The following SPATA6L variants were observed in gnomAD, a reference collection of about 807,000 sequenced individuals.
SPATA6L encodes the protein spermatogenesis associated 6 like, also known as spermatogenesis associated 6-like protein.
In SPATA6L, 68 loss-of-function variants were observed where a neutral mutation model predicts 49.2. The observed-to-expected ratio is 1.38, with a 90% CI of 1.14 to 1.69. The LOEUF (loss-of-function observed/expected upper bound fraction) is 1.69. SPATA6L is among the 40% of genes most tolerant of loss of function. The pLI, the probability that SPATA6L is intolerant of heterozygous loss-of-function variation, is 0.00. For missense variants in SPATA6L, 668 were observed against 464.3 expected, an observed-to-expected ratio of 1.44 and a Z score of -4.03; for synonymous variants, 198 against 165.7, an observed-to-expected ratio of 1.19 and a Z score of -1.50.
chr9:4,611,786 C>G (rs894561789), intron 9 of SPATA6L, among the ~76,000 whole-genome samples: 42 of 151,310 alleles, frequency 2.8e-4, no homozygotes, highest in Middle Eastern at 3.4e-3. Context: ...TACCCTAAAA[C>G]TTAAAGTATA....
rs1210373223 is a variant in SPATA6L at position 4,662,448 on chromosome 9, G to A, written c.40-412C>T. The A allele has an allele frequency of 5.2e-6, 8 of 1,545,594 alleles. No individual in the cohort carries two copies. In the East Asian group the frequency reaches 1.2e-4, roughly 23 times the overall value. ...CGCTTCGAGCAGCAGCAGCAGCCCC[G>A]GCAGCCCAGCCCATGGCGGCGGTGG... On this transcript the variant is annotated intron_variant, in intron 1 of 11. Transcript: ENST00000682582. This position sits in a 1 kb window ranked among gnomAD's most constrained non-coding sequence, Gnocchi z 4.9.
At position 4,662,481 on chromosome 9, in the gene SPATA6L, A is replaced by G; in HGVS notation, c.40-445T>C. 2 of 1,553,204 alleles carry G rather than the reference A, an allele frequency of 1.3e-6. No individual in the cohort carries two copies. The highest frequency in any genetic ancestry group is 1.7e-6 in the Non-Finnish European group (2 of 1,159,138). On this transcript the variant is annotated intron_variant, in intron 1 of 11. Transcript: ENST00000682582. This position sits in a 1 kb window ranked among gnomAD's most constrained non-coding sequence, Gnocchi z 4.9. Reference sequence around the variant, plus strand: ...AGCCCATGGCGGCGGTGGCGGCGGCAGCAGGTTTGAGTTCCAGTCCCTGCT... The same window carrying G: ...AGCCCATGGCGGCGGTGGCGGCGGCGGCAGGTTTGAGTTCCAGTCCCTGCT...
chr9:4,603,470 C>T (rs1192920663), intron 11 of SPATA6L, among the ~76,000 whole-genome samples: 1 of 152,082 alleles, frequency 6.6e-6, no homozygotes, highest in Non-Finnish European at 1.5e-5. Context: ...TGAGCAGCAA[C>T]CATTGTGGAG....
Position 4,657,476 on chromosome 9 carries a change from T to C in SPATA6L, c.178-1387A>G, listed in dbSNP as rs188173522. On this transcript the variant is annotated intron_variant, in intron 2 of 11. Transcript: ENST00000682582. ...AGAATAAGATCATACTGGGATAGGG[T>C]AGGCCTCTGATAAGACTGGTGTCCT... is the stretch of plus-strand genomic sequence containing the variant. 3.8e-3 allele frequency among the ~76,000 whole-genome samples: 581 copies of C among 152,028 alleles called. 4 individuals are homozygous for C. Among genetic ancestry groups the C allele is most frequent in the Non-Finnish European group, 6.1e-3 (414 of 67,976 alleles).
rs1170309058 is a variant in SPATA6L at position 4,666,285 on chromosome 9, A to G, written c.-35T>C. 4.3e-6 allele frequency: 7 copies of G among 1,613,292 alleles called. No individual in the cohort carries two copies. Among genetic ancestry groups the G allele is most frequent in the Non-Finnish European group, 5.9e-6 (7 of 1,179,418 alleles). ...CGTGGGCGAAAGGACTGGAATGAGA[A>G]GATCCTTTTGTGCCGAGCCTTGGAC... On this transcript the variant is annotated 5_prime_UTR_variant, in exon 1 of 12. Transcript: ENST00000682582.
At chr9:4,646,241 T>A (rs1288958350) in intron 3 of SPATA6L, 2 of 309,390 alleles carry the variant, frequency 6.5e-6, no homozygotes, top group Non-Finnish European at 1.2e-5. Context: ...TATTAAAAAA[T>A]GGAAAGACAA....
chr9:4,605,071 T>G (rs1259226305), intron 10 of SPATA6L, among the ~76,000 whole-genome samples: 1 of 152,138 alleles, frequency 6.6e-6, no homozygotes, highest in Non-Finnish European at 1.5e-5. Context: ...AAAGGACCTC[T>G]GCTTGATGAG....
rs555365674 is a variant in SPATA6L, at chr9:4,617,972, G to C, written c.946C>G (p.Gln316Glu). ...FHGKASFATY[Q>E]HSTSPGPLDQ... ...AAGGGGCCAGGAGAGGTGGAATGCT[G>C]GTAGGTGGCAAATGAAGCTTTCCCG... is the stretch of plus-strand genomic sequence containing the variant. Residue 316 changes from glutamine to glutamate, a missense_variant, in exon 9 of 12, where the codon CAG (glutamine) becomes GAG (glutamate). Coordinates refer to ENST00000682582, the MANE Select transcript of SPATA6L (RefSeq NM_001353486.2). 6.2e-7 allele frequency: 1 copy of C among 1,613,924 alleles called. No individual in the cohort carries two copies. Among genetic ancestry groups the C allele is most frequent in the Non-Finnish European group, 8.5e-7 (1 of 1,179,946 alleles).
chr9:4,601,624 T>C (rs1211118451), intron 11 of SPATA6L, among the ~76,000 whole-genome samples: 1 of 152,148 alleles, frequency 6.6e-6, no homozygotes, highest in Non-Finnish European at 1.5e-5. Context: ...TTCATCTCCC[T>C]GAGATCTCGA....
downstream of SPATA6L, among the ~76,000 whole-genome samples, chr9:4,597,760 C>A (rs955702456): frequency 1.3e-5 from 2 of 152,140 alleles, no homozygotes; most frequent in African/African-American, 4.8e-5. Context: ...TGCAGGTCCG[C>A]TAAGTAGTGC....
At chr9:4,665,209 C>G (rs965981640) in intron 1 of SPATA6L, 2 of 166,864 alleles carry the variant, frequency 1.2e-5, no homozygotes, top group Non-Finnish European at 2.9e-5. Flanking sequence ...TAATTGTACA[C>G]TGAATAATGC....
At chr9:4,597,612 T>A (rs2129973603), downstream of SPATA6L, among the ~76,000 whole-genome samples, 1 of 152,280 alleles carries the variant, frequency 6.6e-6, no homozygotes, top group Non-Finnish European at 1.5e-5. Context: ...CAAAGTAACT[T>A]CATTGCCATA....
chr9:4,655,360 T>C (rs1837885505), intron 3 of SPATA6L, among the ~76,000 whole-genome samples: 1 of 152,200 alleles, frequency 6.6e-6, no homozygotes. Flanking sequence ...ACGGAAAGAT[T>C]AGTGGTTACC....
intron 3 of SPATA6L, 133 bp from the exon 4 acceptor site, chr9:4,635,532 T>G: frequency 1.3e-6 from 1 of 799,854 alleles, no homozygotes; most frequent in South Asian, 2.7e-5. Context: ...CACATGTTAT[T>G]CAAGAGGAGA....
intron 9 of SPATA6L, among the ~76,000 whole-genome samples, chr9:4,610,163 A>C (rs1217251714): frequency 2.0e-5 from 3 of 152,122 alleles, no homozygotes; most frequent in African/African-American, 7.2e-5. Context: ...AAACAAATGG[A>C]AGAACATTCC....
chr9:4,646,418 T>C (rs1796091799), intron 3 of SPATA6L: 1 of 1,192,710 alleles, frequency 8.4e-7, no homozygotes, highest in Admixed American at 2.8e-5. Flanking sequence ...ACAGTCCCCA[T>C]TTTGACAGGC....
At chr9:4,629,837 G>A (rs1831171029) in intron 4 of SPATA6L, among the ~76,000 whole-genome samples, 1 of 139,212 alleles carries the variant, frequency 7.2e-6, no homozygotes, top group South Asian at 2.3e-4. Flanking sequence ...TATAGGGTAG[G>A]TACAATTATT....
At chr9:4,604,378 C>T (rs1028082235) in intron 10 of SPATA6L, 109 bp from the exon 11 acceptor site, 3 of 657,420 alleles carry the variant, frequency 4.6e-6, no homozygotes, top group South Asian at 1.9e-5. Flanking sequence ...CCATTTATGC[C>T]GTTATATGGG....
intron 9 of SPATA6L, among the ~76,000 whole-genome samples, chr9:4,615,947 G>A (rs1587073003): frequency 6.6e-6 from 1 of 152,108 alleles, no homozygotes; most frequent in African/African-American, 2.4e-5. Context: ...ATGGATCTTT[G>A]ATCATCAAAC....
Sources: allele counts gnomAD v4.1 joint callset (sites outside exome capture counted in the v4.1 genomes callset), GRCh38; gene constraint gnomAD v4.1.1; non-coding constraint Gnocchi (gnomAD v3.1); transcripts MANE v1.5; gene names NCBI Gene and HGNC (gene_info 2026-07-23, HGNC 2026-07-21).